SPATA6: variants seen among roughly 807,000 people sequenced by gnomAD.
SPATA6 encodes spermatogenesis associated 6, also known as spermatogenesis-associated protein 6.
A neutral mutation model predicts 65.3 loss-of-function variants in SPATA6; 56 were observed. The ratio of observed to expected loss-of-function variants is 0.86; its 90% CI spans 0.69 to 1.07. The LOEUF (loss-of-function observed/expected upper bound fraction) is 1.07, where lower values mean the gene tolerates loss of function less well. SPATA6 is among the 50% of genes least tolerant of loss of function. SPATA6 has a pLI of 0.00. For missense variants in SPATA6, 590 were observed against 594.8 expected (o/e 0.99, Z 0.08); for synonymous variants, 199 against 213.2 (o/e 0.93, Z 0.58).
intron 3 of SPATA6, among the ~76,000 whole-genome samples, chr1:48,424,576 A>C (rs2148032025): frequency 6.6e-6 from 1 of 152,318 alleles, no homozygotes; most frequent in South Asian, 2.1e-4. Flanking sequence ...TGTTCTCCAC[A>C]GTGGTTGTAC....
intron 8 of SPATA6, among the ~76,000 whole-genome samples, chr1:48,388,853 C>A (rs897821332): frequency 6.6e-6 from 1 of 152,012 alleles, no homozygotes; most frequent in Non-Finnish European, 1.5e-5. Flanking sequence ...GGATTAGAGG[C>A]ATGTGCCACC....
chr1:48,436,693 C>T, intron 3 of SPATA6: 2 of 1,614,184 alleles, frequency 1.2e-6, no homozygotes, highest in South Asian at 1.1e-5. Flanking sequence ...ACAGGATTTA[C>T]ATGGGTATAA....
intron 3 of SPATA6, among the ~76,000 whole-genome samples, chr1:48,414,757 T>G (rs1338821192): frequency 6.6e-6 from 1 of 152,200 alleles, no homozygotes; most frequent in Non-Finnish European, 1.5e-5. Flanking sequence ...TCACTCAGTA[T>G]AGCTTTCAGC....
At chr1:48,365,009 C>T (rs1437971945) in intron 9 of SPATA6, among the ~76,000 whole-genome samples, 1 of 152,168 alleles carries the variant, frequency 6.6e-6, no homozygotes, top group Non-Finnish European at 1.5e-5. Context: ...TTTCAGCTTT[C>T]TACATATGGC....
At chr1:48,414,148 C>A (rs935085781) in intron 3 of SPATA6, among the ~76,000 whole-genome samples, 1 of 152,132 alleles carries the variant, frequency 6.6e-6, no homozygotes, top group Non-Finnish European at 1.5e-5. Flanking sequence ...AAGCTCAGTG[C>A]GGACAAGTGT....
intron 11 of SPATA6, among the ~76,000 whole-genome samples, chr1:48,315,457 A>G (rs916244576): frequency 1.3e-5 from 2 of 152,238 alleles, no homozygotes; most frequent in African/African-American, 4.8e-5. Context: ...TTATCTCAAT[A>G]GATGCAAAAA....
At chr1:48,308,711 T>C (rs1161539706) in intron 11 of SPATA6, among the ~76,000 whole-genome samples, 2 of 152,132 alleles carry the variant, frequency 1.3e-5, no homozygotes, top group Admixed American at 6.6e-5. Context: ...TTGCTGGATA[T>C]TCATGGTTGA....
At chr1:48,262,606 C>A in the SPATA6 span, 1 of 152,074 alleles carries the variant, frequency 6.6e-6, no homozygotes, top group African/African-American at 2.4e-5. Context: ...TTAAGAAATA[C>A]ACTTATGCAT....
At chr1:48,430,662 T>C (rs755970876) in intron 3 of SPATA6, among the ~76,000 whole-genome samples, 50 of 152,308 alleles carry the variant, frequency 3.3e-4, no homozygotes, top group Non-Finnish European at 5.3e-4. Context: ...TTTTTTCAAT[T>C]ATTAGTTTAT....
intron 11 of SPATA6, among the ~76,000 whole-genome samples, chr1:48,335,448 G>A (rs529346550): frequency 6.6e-6 from 1 of 151,934 alleles, no homozygotes; most frequent in Non-Finnish European, 1.5e-5. Flanking sequence ...AGACACATAG[G>A]CCAATAGAAC....
chr1:48,371,960 A>G (rs1647329091), intron 9 of SPATA6, among the ~76,000 whole-genome samples: 1 of 152,102 alleles, frequency 6.6e-6, no homozygotes, highest in Non-Finnish European at 1.5e-5. Flanking sequence ...CCCATGATTC[A>G]ATTTCCTTCC....
chr1:48,366,834 C>G (rs1387053098), intron 9 of SPATA6, among the ~76,000 whole-genome samples: 2 of 152,108 alleles, frequency 1.3e-5, no homozygotes, highest in African/African-American at 4.8e-5. Flanking sequence ...TTGCCTTCTG[C>G]TAGCTTTTGA....
intron 10 of SPATA6, among the ~76,000 whole-genome samples, chr1:48,359,007 A>G (rs1646734571): frequency 6.6e-6 from 1 of 152,178 alleles, no homozygotes; most frequent in Non-Finnish European, 1.5e-5. Flanking sequence ...TATTACTATT[A>G]GTGACAGAGG....
intron 8 of SPATA6, 94 bp from the exon 9 acceptor site, chr1:48,385,443 G>T: frequency 9.2e-7 from 1 of 1,081,224 alleles, no homozygotes. Flanking sequence ...AATTCACTCA[G>T]AATATTTCAG....
chr1:48,471,277 G>C (rs369655944), intron 1 of SPATA6, among the ~76,000 whole-genome samples: 1 of 152,152 alleles, frequency 6.6e-6, no homozygotes, highest in Admixed American at 6.5e-5. Context: ...AGAAGGAGGT[G>C]TTTCCCTCAT....
chr1:48,398,782 A>G (rs901541502), intron 7 of SPATA6, among the ~76,000 whole-genome samples: 2 of 151,840 alleles, frequency 1.3e-5, no homozygotes, highest in Non-Finnish European at 2.9e-5. Flanking sequence ...CTAAATTTCA[A>G]CTATATCAAA....
At chr1:48,337,460 T>C (rs1003505639) in intron 11 of SPATA6, among the ~76,000 whole-genome samples, 3 of 151,862 alleles carry the variant, frequency 2.0e-5, no homozygotes, top group African/African-American at 7.2e-5. Flanking sequence ...TCATGTTGAA[T>C]AAGACAAGAA....
intron 11 of SPATA6, chr1:48,325,191 G>A: frequency 1.5e-6 from 1 of 687,518 alleles, no homozygotes; most frequent in South Asian, 1.8e-5. Context: ...TTTGGTGCAG[G>A]GTTCGTGTTC....
At chr1:48,281,546 A>T in the SPATA6 span, among the ~76,000 whole-genome samples, 3 of 152,152 alleles carry the variant, frequency 2.0e-5, no homozygotes, top group African/African-American at 7.2e-5. Flanking sequence ...AATAACAGAC[A>T]AACAGAGAGC....
Sources: gnomAD v4.1 joint callset for allele counts (sites outside exome capture counted in the v4.1 genomes callset) on GRCh38, gnomAD v4.1.1 for gene constraint, MANE v1.5 for transcripts, NCBI Gene and HGNC (gene_info 2026-07-23, HGNC 2026-07-21) for gene names.